The following CCPG1 variants were observed in gnomAD, a reference collection of about 807,000 sequenced individuals.
CCPG1 encodes the protein cell cycle progression 1, also known as cell cycle progression protein 1.
In CCPG1, 46 loss-of-function variants were observed where a neutral mutation model predicts 81.3. The ratio of observed to expected loss-of-function variants is 0.57; its 90% CI spans 0.45 to 0.72. CCPG1 has a LOEUF of 0.72. Ranked by LOEUF, CCPG1 falls within the 30% of genes least tolerant of loss-of-function variation. The pLI is 0.00. For missense variants in CCPG1, 902 were observed against 937.6 expected (o/e 0.96, Z 0.50); for synonymous variants, 330 against 305.2 (o/e 1.08, Z -0.85).
Position 55,372,018 on chromosome 15 carries a change from C to T in CCPG1, c.481G>A (p.Glu161Lys), listed in dbSNP as rs750700948. The T allele has an allele frequency of 1.2e-6, 2 of 1,614,008 alleles. No individual in the cohort carries two copies. The highest frequency in any genetic ancestry group is 1.1e-5 in the South Asian group (1 of 91,074). ...TTACTGGTTTCATCACTACTTGATT[C>T]ATCGTCACTAGGCTGAGATGAAAAT... ...TVFSSQPSDD[E>K]SSSDETSNQP... The change falls in exon 6 of 9, where the codon GAA becomes AAA. Residue 161 changes from glutamate to lysine, a missense_variant. Transcript: ENST00000442196.
At chr15:55,375,313 C>G (rs185600141) in intron 5 of CCPG1, among the ~76,000 whole-genome samples, 3 of 152,250 alleles carry the variant, frequency 2.0e-5, no homozygotes, top group Admixed American at 2.0e-4. Context: ...TCTTATATAT[C>G]TGACCATTCT....
At chr15:55,396,924 G>A (rs766118905) in intron 1 of CCPG1, among the ~76,000 whole-genome samples, 10 of 152,178 alleles carry the variant, frequency 6.6e-5, no homozygotes, top group Admixed American at 1.3e-4. Context: ...CACAAGATAA[G>A]CCGGGCGCGG....
chr15:55,391,306 A>G (rs1281995394), intron 1 of CCPG1, among the ~76,000 whole-genome samples: 4 of 151,894 alleles, frequency 2.6e-5, no homozygotes, highest in African/African-American at 9.7e-5. Context: ...TGTAGAGACA[A>G]CGTTTGGCCA....
rs1474737024 is a variant in CCPG1 at position 55,357,027 on chromosome 15, T to C, written c.2235-618A>G. 6 of 985,418 alleles carry C rather than the reference T, an allele frequency of 6.1e-6. No homozygotes were observed. The African/African-American group carries it at 8.7e-5, about 14-fold the overall frequency. The allele number at this position is 985,418 out of a possible 1,614,324, so 61.0% of individuals were successfully genotyped here. A position where few individuals can be genotyped will look rare whatever the true frequency, so the allele number is the denominator to read the frequency against. On this transcript the variant is annotated intron_variant, in intron 8 of 8. Transcript: ENST00000442196. Reference sequence around the variant, plus strand: ...TTTTCAAGGTACCACTCCCCACTCCTGTCCTTAGCCTTCCCTACAACCCCA... The same window carrying C: ...TTTTCAAGGTACCACTCCCCACTCCCGTCCTTAGCCTTCCCTACAACCCCA...
chr15:55,372,692 T>A, intron 5 of CCPG1: 1 of 255,846 alleles, frequency 3.9e-6, no homozygotes, highest in Admixed American at 5.2e-5. Context: ...ATTACAGGTA[T>A]AAACAAGTAT....
intron 3 of CCPG1, among the ~76,000 whole-genome samples, chr15:55,380,123 G>A (rs2141288625): frequency 6.7e-6 from 1 of 148,492 alleles, no homozygotes. Flanking sequence ...AAAGAAAAGA[G>A]CATAAAATAT....
chr15:55,361,441 C>T (rs1421151787), intron 7 of CCPG1, among the ~76,000 whole-genome samples: 1 of 151,736 alleles, frequency 6.6e-6, no homozygotes, highest in Non-Finnish European at 1.5e-5. Context: ...GGCGCGGTGG[C>T]TCATGCCTGT....
At position 55,379,432 on chromosome 15, in the gene CCPG1, G is replaced by A. The variant is rs1325489427; in HGVS notation, c.176-1056C>T. Among the ~76,000 whole-genome samples the A allele has an allele frequency of 3.9e-5, 6 of 152,042 alleles. No individual in the cohort carries two copies. The East Asian group carries it at 1.2e-3, about 29-fold the overall frequency. On this transcript the variant is annotated intron_variant, in intron 3 of 8. Coordinates refer to ENST00000442196, the MANE Select transcript of CCPG1 (RefSeq NM_001204450.2). ...AGTACTAGCTACTCAGAAAGCTGAG[G>A]CAGGAGGATTACTTGAGCCTAGGAG... is the stretch of plus-strand genomic sequence containing the variant.
rs879076438 is a variant in CCPG1 at position 55,378,171 on chromosome 15, TCTAA to T, written c.252+125_252+128del. The T allele has an allele frequency of 2.8e-5, 15 of 544,558 alleles. No individual in the cohort carries two copies. The South Asian group carries it at 3.6e-4, about 13-fold the overall frequency. 33.7% of individuals were successfully genotyped at this position (544,558 alleles called of 1,614,324 possible). A position where few individuals can be genotyped will look rare whatever the true frequency, so the allele number is the denominator to read the frequency against. ...CTTTGCTTAGATGTCCTCTAAGACA[TCTAA>T]CTTAGAAGTCAAAATTGCTTATAAT... On this transcript the variant is annotated intron_variant, in intron 4 of 8. Transcript: ENST00000442196.
At chr15:55,406,665 C>A (rs1412626486) in intron 1 of CCPG1, among the ~76,000 whole-genome samples, 1 of 151,678 alleles carries the variant, frequency 6.6e-6, no homozygotes, top group Admixed American at 6.6e-5. Flanking sequence ...GAACTCCTGA[C>A]CTCAGGTGAT....
At chr15:55,386,353 C>A (rs2056799187) in intron 2 of CCPG1, among the ~76,000 whole-genome samples, 1 of 152,162 alleles carries the variant, frequency 6.6e-6, no homozygotes, top group Non-Finnish European at 1.5e-5. Context: ...TGAATACTCT[C>A]CTCACACAAT....
chr15:55,367,788 T>C (rs983387824), intron 6 of CCPG1, among the ~76,000 whole-genome samples: 1 of 152,208 alleles, frequency 6.6e-6, no homozygotes, highest in African/African-American at 2.4e-5. Flanking sequence ...TTTTCTACAA[T>C]TTAATAAATT....
intron 6 of CCPG1, among the ~76,000 whole-genome samples, chr15:55,370,986 G>A (rs1301750996): frequency 3.9e-5 from 6 of 151,960 alleles, no homozygotes; most frequent in East Asian, 1.9e-4. Flanking sequence ...GGTGGCGGGC[G>A]CCTGTTATCC....
intron 7 of CCPG1, 48 bp from the exon 8 acceptor site, chr15:55,360,992 A>G (rs533322485): frequency 6.9e-7 from 1 of 1,447,942 alleles, no homozygotes; most frequent in East Asian, 2.4e-5. Flanking sequence ...AATGCTTTAA[A>G]AGCTGAATTT....
At chr15:55,389,068 C>CAAAAA (rs373917631) in intron 2 of CCPG1, among the ~76,000 whole-genome samples, 11,301 of 55,964 alleles carry the variant, frequency 0.2, 2,086 homozygotes, top group African/African-American at 0.37. Context: ...GACTCTGTCT[C>CAAAAA]AAAAAAAAAA....
intron 1 of CCPG1, among the ~76,000 whole-genome samples, chr15:55,396,057 G>T (rs747714018): frequency 4.0e-5 from 6 of 151,510 alleles, no homozygotes; most frequent in Non-Finnish European, 7.4e-5. Context: ...AGGAGCCTGA[G>T]TCAGGAGAAT....
At chr15:55,404,211 ACAC>A (rs924395256) in intron 1 of CCPG1, among the ~76,000 whole-genome samples, 1 of 143,220 alleles carries the variant, frequency 7.0e-6, no homozygotes, top group Non-Finnish European at 1.6e-5. Flanking sequence ...TAAAGTATGA[ACAC>A]CACAACCTGA....
rs1158279926 is a variant in CCPG1 at position 55,378,386 on chromosome 15, A to T, written c.176-10T>A. The T allele has an allele frequency of 6.4e-7, 1 of 1,556,848 alleles. No individual in the cohort carries two copies. ...CCATTTTGGCTGCTTTCTGATATAAAGCAAAGATCAATATAATTATTTCTT... is the reference window on the plus strand; with the variant it reads ...CCATTTTGGCTGCTTTCTGATATAATGCAAAGATCAATATAATTATTTCTT... On this transcript the variant is annotated splice_polypyrimidine_tract_variant and intron_variant, in intron 3 of 8. Coordinates refer to ENST00000442196, the MANE Select transcript of CCPG1 (RefSeq NM_001204450.2).
In CCPG1 at chr15:55,404,676, G is replaced by T. The variant is rs537337143; in HGVS notation, c.-10+3545C>A. ...GGCCAGACATGGAGCTCTCATGCCT[G>T]TATCCAGCACTCTGGGAGGCTAAGG... is the stretch of plus-strand genomic sequence containing the variant. On this transcript the variant is annotated intron_variant, in intron 1 of 8. Coordinates refer to ENST00000442196, the MANE Select transcript of CCPG1 (RefSeq NM_001204450.2). 3.3e-5 allele frequency among the ~76,000 whole-genome samples: 5 copies of T among 152,304 alleles called. No homozygotes were observed. In the East Asian group the frequency reaches 9.6e-4, roughly 29 times the overall value.
Sources: gnomAD v4.1 joint callset for allele counts (sites outside exome capture counted in the v4.1 genomes callset) on GRCh38, gnomAD v4.1.1 for gene constraint, MANE v1.5 for transcripts, NCBI Gene and HGNC (gene_info 2026-07-23, HGNC 2026-07-21) for gene names.